The following MYLK variants were observed in gnomAD, a reference collection of about 807,000 sequenced individuals.
MYLK encodes myosin light chain kinase, smooth muscle.
A neutral mutation model predicts 203.4 loss-of-function variants in MYLK; 106 were observed. The ratio of observed to expected loss-of-function variants is 0.52; its 90% CI spans 0.45 to 0.61. The LOEUF is 0.61. Ranked by LOEUF, MYLK falls within the 20% of genes least tolerant of loss-of-function variation. MYLK has a pLI of 0.00. For synonymous variants in MYLK, 867 were observed against 959.5 expected (o/e 0.90, Z 1.78); for missense variants, 2,072 against 2,442.3 (o/e 0.85, Z 3.20).
chr3:123,764,759 T>G (rs1423632471), intron 4 of MYLK, among the ~76,000 whole-genome samples: 1 of 152,212 alleles, frequency 6.6e-6, no homozygotes, highest in East Asian at 1.9e-4. Context: ...GGGGCCTCAC[T>G]GCTCCTTATC....
intron 13 of MYLK, among the ~76,000 whole-genome samples, chr3:123,710,971 G>C (rs1292394971): frequency 6.6e-6 from 1 of 152,106 alleles, no homozygotes; most frequent in Non-Finnish European, 1.5e-5. Flanking sequence ...CCAAGCTGTA[G>C]TCCCAGCTAC....
In MYLK at chr3:123,682,261, C is replaced by A. The variant is rs1026157995; in HGVS notation, c.3615G>T (p.Arg1205Ser). 3.1e-6 allele frequency: 5 copies of A among 1,603,696 alleles called. No homozygotes were observed. Among genetic ancestry groups the A allele is most frequent in the Non-Finnish European group, 2.6e-6 (3 of 1,175,482 alleles). Residue 1205 changes from arginine to serine, a missense_variant, in exon 20 of 34, where the codon AGG becomes AGT. Physicochemically the swap from Arg to Ser is moderately radical, Grantham distance 110. Coordinates refer to ENST00000360304, the MANE Select transcript of MYLK (RefSeq NM_053025.4). Reference sequence around the variant, plus strand: ...GCACGGGAGGAAGAGAGCTCTTGGGCCTCCGGGATTTCATCTCTGGGGCCT... The same window carrying A: ...GCACGGGAGGAAGAGAGCTCTTGGGACTCCGGGATTTCATCTCTGGGGCCT... Reference protein sequence around the residue: ...NTKAPEMKSRRPKSSLPPVLG... With the variant: ...NTKAPEMKSRSPKSSLPPVLG...
chr3:123,737,493 G>A lies in MYLK; in HGVS notation c.639C>T (p.Asn213=), dbSNP rs146073242. 5.2e-5 allele frequency: 84 copies of A among 1,614,058 alleles called. No individual in the cohort carries two copies. Among genetic ancestry groups the A allele is most frequent in the African/African-American group, 1.7e-4 (13 of 74,932 alleles). The stretch of plus-strand genomic sequence containing the variant: ...CATGGATTTCCAGAACCTGCATGCC[G>A]TTCTTCTCAGACACAGACACACGGG... The part of the protein sequence containing the change: ...PSARVSVSEK[N]GMQVLEIHGV... The change falls in exon 8 of 34, where the codon AAC becomes AAT. Residue 213 remains asparagine (N), a synonymous_variant. Transcript: ENST00000360304.
intron 3 of MYLK, 57 bp downstream of exon 3, chr3:123,831,491 C>CTCAGT: frequency 1.6e-6 from 2 of 1,217,810 alleles, no homozygotes; most frequent in Non-Finnish European, 2.2e-6. Context: ...CTGCAGCCTC[C>CTCAGT]CCAGGGTGGA....
chr3:123,776,877 C>T (rs1394036659), intron 4 of MYLK, among the ~76,000 whole-genome samples: 2 of 152,218 alleles, frequency 1.3e-5, no homozygotes, highest in Admixed American at 6.5e-5. Flanking sequence ...GCCTGTGATG[C>T]TTCCACAAGC....
At chr3:123,635,796 G>A (rs1056639750) in intron 29 of MYLK, among the ~76,000 whole-genome samples, 1 of 152,046 alleles carries the variant, frequency 6.6e-6, no homozygotes, top group Non-Finnish European at 1.5e-5. Flanking sequence ...ACTGAAACAC[G>A]TGAACCAGAA....
At chr3:123,796,087 G>A (rs2064975421) in intron 3 of MYLK, among the ~76,000 whole-genome samples, 1 of 152,104 alleles carries the variant, frequency 6.6e-6, no homozygotes, top group African/African-American at 2.4e-5. Flanking sequence ...TTGTTGAATG[G>A]TAAGACTCAC....
chr3:123,872,767 C>G (rs1031121687), intron 2 of MYLK, among the ~76,000 whole-genome samples: 2 of 152,176 alleles, frequency 1.3e-5, no homozygotes, highest in African/African-American at 2.4e-5. Context: ...AATTCCAAAG[C>G]TCTCCAAACC....
intron 2 of MYLK, among the ~76,000 whole-genome samples, chr3:123,875,367 A>G (rs576094323): frequency 6.6e-6 from 1 of 152,336 alleles, no homozygotes; most frequent in South Asian, 2.1e-4. Context: ...AGGCACACTA[A>G]AAAGCCTACA....
chr3:123,649,881 T>C (rs986154981), intron 24 of MYLK, among the ~76,000 whole-genome samples: 15 of 152,116 alleles, frequency 9.9e-5, no homozygotes, highest in Admixed American at 9.8e-4. Context: ...TTAGAAGAAA[T>C]AGCCTTTGAG....
At chr3:123,867,028 A>G (rs911459093) in intron 2 of MYLK, among the ~76,000 whole-genome samples, 2 of 152,024 alleles carry the variant, frequency 1.3e-5, no homozygotes, top group Admixed American at 6.6e-5. Context: ...TGGCTGCATC[A>G]TCCCAGCTAG....
chr3:123,734,421 C>CA, intron 9 of MYLK, 199 bp from the exon 10 acceptor site: 1 of 550,270 alleles, frequency 1.8e-6, no homozygotes, highest in Non-Finnish European at 3.1e-6. Context: ...CCATTCCCGA[C>CA]ACTTGCCTGT....
chr3:123,868,957 C>G (rs2032543856), intron 2 of MYLK, among the ~76,000 whole-genome samples: 3 of 152,152 alleles, frequency 2.0e-5, no homozygotes, highest in Admixed American at 2.0e-4. Flanking sequence ...ATACTGTTTT[C>G]AGGTACAATA....
intron 29 of MYLK, among the ~76,000 whole-genome samples, chr3:123,637,638 G>A (rs820461): frequency 0.025 from 3,792 of 152,248 alleles, 68 homozygotes; most frequent in Middle Eastern, 0.092. Context: ...TGGGGTCCCC[G>A]TGCCTTGGGG....
chr3:123,683,120 T>G (rs899980926), intron 19 of MYLK, among the ~76,000 whole-genome samples: 1 of 152,168 alleles, frequency 6.6e-6, no homozygotes, highest in Non-Finnish European at 1.5e-5. Context: ...ATCCAGGAAC[T>G]GGGATAAGGA....
At chr3:123,759,446 G>A (rs1402825342) in intron 4 of MYLK, among the ~76,000 whole-genome samples, 1 of 152,196 alleles carries the variant, frequency 6.6e-6, no homozygotes. Flanking sequence ...TTAATGAGAG[G>A]CATGTGGCAT....
chr3:123,843,937 C>G (rs1577109832), intron 2 of MYLK, among the ~76,000 whole-genome samples: 1 of 152,152 alleles, frequency 6.6e-6, no homozygotes, highest in South Asian at 2.1e-4. Flanking sequence ...GAGTCAGCAA[C>G]AAAGGAACTC....
intron 9 of MYLK, chr3:123,735,165 A>C: frequency 1.7e-6 from 1 of 587,704 alleles, no homozygotes; most frequent in Non-Finnish European, 3.2e-6. Flanking sequence ...GATACTGTGA[A>C]AGGTGGCAAC....
At chr3:123,806,150 A>G (rs2065358628) in intron 3 of MYLK, among the ~76,000 whole-genome samples, 1 of 152,234 alleles carries the variant, frequency 6.6e-6, no homozygotes, top group Non-Finnish European at 1.5e-5. Flanking sequence ...ATTGTTGGAC[A>G]ATATGCATTG....
Sources: allele counts gnomAD v4.1 joint callset (sites outside exome capture counted in the v4.1 genomes callset), GRCh38; gene constraint gnomAD v4.1.1; transcripts MANE v1.5; gene names NCBI Gene and HGNC (gene_info 2026-07-23, HGNC 2026-07-21).